The following MCTP2 variants were observed in gnomAD, a reference collection of about 807,000 sequenced individuals.
MCTP2 encodes the protein multiple C2 and transmembrane domain-containing protein 2.
A neutral mutation model predicts 111.6 loss-of-function variants in MCTP2; 132 were observed. That is an observed-to-expected ratio of 1.18 (90% confidence interval 1.03 to 1.37). The LOEUF (loss-of-function observed/expected upper bound fraction) is 1.37, where lower values mean the gene tolerates loss of function less well. Among genes scored for constraint, MCTP2 ranks in the 40% most tolerant of loss-of-function variants. The pLI, the probability that MCTP2 is intolerant of heterozygous loss-of-function variation, is 0.00. For synonymous variants in MCTP2, 395 were observed against 387.7 expected (o/e 1.02, Z -0.22); for missense variants, 1,183 against 1,067.9 (o/e 1.11, Z -1.50).
intron 8 of MCTP2, among the ~76,000 whole-genome samples, chr15:94,348,829 T>C (rs1487563753): frequency 2.0e-5 from 3 of 152,078 alleles, no homozygotes; most frequent in African/African-American, 7.2e-5. Flanking sequence ...TTTTTTTGTT[T>C]TCATGCATTC....
chr15:94,284,233 A>G (rs2074642220), intron 1 of MCTP2, among the ~76,000 whole-genome samples: 1 of 152,224 alleles, frequency 6.6e-6, no homozygotes, highest in Non-Finnish European at 1.5e-5. Flanking sequence ...ATTTGCACAC[A>G]CTATGAGTTA....
intron 2 of MCTP2, among the ~76,000 whole-genome samples, chr15:94,306,675 A>C (rs912961612): frequency 2.0e-5 from 3 of 152,236 alleles, no homozygotes; most frequent in Admixed American, 2.0e-4. Context: ...AGAAAGGATC[A>C]TTCCCCCTTT....
intron 1 of MCTP2, among the ~76,000 whole-genome samples, chr15:94,293,598 C>T (rs915941797): frequency 2.6e-5 from 4 of 152,234 alleles, no homozygotes; most frequent in African/African-American, 9.6e-5. Context: ...CGGTGCCCAG[C>T]AGTCTGTCCA....
intron 19 of MCTP2, among the ~76,000 whole-genome samples, chr15:94,455,769 A>T (rs976082095): frequency 6.6e-6 from 1 of 152,204 alleles, no homozygotes; most frequent in African/African-American, 2.4e-5. Context: ...GAGTCAATTA[A>T]GGTGTCAATT....
chr15:94,478,899 C>A, intron 22 of MCTP2, 67 bp from the exon 23 acceptor site: 1 of 1,403,938 alleles, frequency 7.1e-7, no homozygotes, highest in South Asian at 1.2e-5. Context: ...CTTGGGGAGC[C>A]ATTAGCACAC....
intron 10 of MCTP2, among the ~76,000 whole-genome samples, chr15:94,364,104 T>C (rs2079067733): frequency 6.6e-6 from 1 of 151,962 alleles, no homozygotes; most frequent in African/African-American, 2.4e-5. Flanking sequence ...ACCACTAAAT[T>C]ACAAGTATTT....
rs142776924 is a variant in MCTP2, at chr15:94,372,690, A to T, written c.1582+2510A>T. Among the ~76,000 whole-genome samples the T allele has an allele frequency of 1.2e-4, 19 of 152,188 alleles. No individual in the cohort carries two copies. The East Asian group carries it at 3.3e-3, about 26-fold the overall frequency. On this transcript the variant is annotated intron_variant, in intron 12 of 22. Transcript: ENST00000357742. ...TTTAAGAAATAAGTATTTCTACTCT[A>T]TGCCTTCCATTTTCCAGTCATCTTA...
chr15:94,280,216 A>G (rs1003641131), intron 1 of MCTP2, among the ~76,000 whole-genome samples: 7 of 151,946 alleles, frequency 4.6e-5, no homozygotes, highest in South Asian at 4.1e-4. Flanking sequence ...AAGTTTTTCT[A>G]TTCCAGGGCT....
At chr15:94,445,688 G>GTC (rs1190950786) in intron 19 of MCTP2, among the ~76,000 whole-genome samples, 2 of 152,306 alleles carry the variant, frequency 1.3e-5, no homozygotes, top group African/African-American at 4.8e-5. Context: ...TGGAAGAAAG[G>GTC]TCTACTCACT....
At chr15:94,435,348 T>C (rs890764117) in intron 17 of MCTP2, among the ~76,000 whole-genome samples, 1 of 152,202 alleles carries the variant, frequency 6.6e-6, no homozygotes, top group Non-Finnish European at 1.5e-5. Context: ...TCTTTCATAG[T>C]TTCCAGTGAG....
intron 4 of MCTP2, among the ~76,000 whole-genome samples, chr15:94,320,694 T>C (rs2076595011): frequency 6.6e-6 from 1 of 152,166 alleles, no homozygotes; most frequent in Admixed American, 6.5e-5. Context: ...TTCTGGGGCT[T>C]GGTGATGAAA....
At chr15:94,447,135 G>A (rs901372454) in intron 19 of MCTP2, among the ~76,000 whole-genome samples, 6 of 152,152 alleles carry the variant, frequency 3.9e-5, no homozygotes, top group African/African-American at 1.4e-4. Context: ...TCATTACCCA[G>A]ACAGGGCCTT....
At chr15:94,372,372 C>G (rs1267823872) in intron 12 of MCTP2, among the ~76,000 whole-genome samples, 1 of 152,170 alleles carries the variant, frequency 6.6e-6, no homozygotes, top group Non-Finnish European at 1.5e-5. Flanking sequence ...TATGAATCCT[C>G]CAGAGTGTTG....
chr15:94,464,239 A>AATATATATAT (rs1555481312), intron 20 of MCTP2, among the ~76,000 whole-genome samples: 4 of 89,364 alleles, frequency 4.5e-5, no homozygotes, highest in Non-Finnish European at 9.2e-5. Context: ...TTATATATAT[A>AATATATATAT]ATATATATAT....
At chr15:94,412,205 G>A (rs540751195) in intron 17 of MCTP2, among the ~76,000 whole-genome samples, 56 of 152,084 alleles carry the variant, frequency 3.7e-4, no homozygotes, top group Non-Finnish European at 6.6e-4. Context: ...CTTTTACAAT[G>A]CACGGCTTGT....
chr15:94,280,805 T>G (rs1226201342), intron 1 of MCTP2, among the ~76,000 whole-genome samples: 1 of 152,236 alleles, frequency 6.6e-6, no homozygotes, highest in Non-Finnish European at 1.5e-5. Flanking sequence ...TTTCATTAGT[T>G]TCAAAGAATT....
In MCTP2 at chr15:94,440,160, T is replaced by C; in HGVS notation, c.2086-16T>C. The C allele has an allele frequency of 6.2e-7, 1 of 1,613,470 alleles. No homozygotes were observed. ...TTTATCAAGCAGTCGTGTATTCTTA[T>C]TTGTCTTTCAATCAGGTATTTTTGA... On this transcript the variant is annotated splice_polypyrimidine_tract_variant and intron_variant, in intron 17 of 22. Transcript: ENST00000357742.
chr15:94,352,858 C>G (rs1394322523), intron 8 of MCTP2, among the ~76,000 whole-genome samples: 3 of 152,176 alleles, frequency 2.0e-5, no homozygotes, highest in African/African-American at 7.2e-5. Context: ...ACCCTGAACC[C>G]CAGACTCCCT....
chr15:94,344,717 C>T (rs1027405216), intron 7 of MCTP2, among the ~76,000 whole-genome samples: 1 of 152,102 alleles, frequency 6.6e-6, no homozygotes, highest in Admixed American at 6.6e-5. Flanking sequence ...GCATCTAAAA[C>T]TATGGAAACC....
Sources: gnomAD v4.1 joint callset for allele counts (sites outside exome capture counted in the v4.1 genomes callset) on GRCh38, gnomAD v4.1.1 for gene constraint, MANE v1.5 for transcripts, NCBI Gene and HGNC (gene_info 2026-07-23, HGNC 2026-07-21) for gene names.